The following GABRG3 variants were observed in gnomAD, a reference collection of about 807,000 sequenced individuals.
GABRG3 encodes gamma-aminobutyric acid type A receptor subunit gamma3, also known as gamma-aminobutyric acid receptor subunit gamma-3.
Under a neutral mutation model 48.8 loss-of-function variants are expected in GABRG3, and 25 were observed. That is an observed-to-expected ratio of 0.51 (90% CI 0.37 to 0.72). GABRG3 has a LOEUF of 0.72. Among genes scored for constraint, GABRG3 ranks in the 30% least tolerant of loss-of-function variants. The pLI is 0.00. For synonymous variants in GABRG3, 227 were observed against 217.6 expected (o/e 1.04, Z -0.38); for missense variants, 394 against 577.9 (o/e 0.68, Z 3.26).
Position 27,072,686 on chromosome 15 carries a change from A to G in GABRG3, c.270+45865A>G, listed in dbSNP as rs193264320. 2.6e-5 allele frequency among the ~76,000 whole-genome samples: 4 copies of G among 152,280 alleles called. No homozygotes were observed. In the East Asian group the frequency reaches 5.8e-4, roughly 22 times the overall value. On this transcript the variant is annotated intron_variant, in intron 3 of 9. Transcript: ENST00000615808. ...GGCTGACAAGGACTTTGCCTTCCTC[A>G]GCCCCTGGCTCCCAAGGTGCCCCAG...
intron 5 of GABRG3, among the ~76,000 whole-genome samples, chr15:27,353,675 C>T (rs979690478): frequency 1.8e-4 from 28 of 152,004 alleles, no homozygotes; most frequent in African/African-American, 6.5e-4. Flanking sequence ...AACTCCTGAC[C>T]TTAAGTGATC....
At chr15:27,030,187 T>G (rs1896059016) in intron 3 of GABRG3, among the ~76,000 whole-genome samples, 1 of 152,116 alleles carries the variant, frequency 6.6e-6, no homozygotes, top group Admixed American at 6.6e-5. Flanking sequence ...GTATTGGGGG[T>G]TTGACCGTAA....
intron 3 of GABRG3, among the ~76,000 whole-genome samples, chr15:27,084,557 C>A (rs1362734768): frequency 2.6e-5 from 4 of 152,236 alleles, no homozygotes; most frequent in African/African-American, 9.6e-5. Context: ...CTGGGCACTT[C>A]AGGCTAGCCT....
intron 3 of GABRG3, among the ~76,000 whole-genome samples, chr15:27,247,697 T>G (rs1458960066): frequency 1.3e-5 from 2 of 152,158 alleles, no homozygotes; most frequent in Non-Finnish European, 2.9e-5. Context: ...AATTACGGTC[T>G]CACATGGCTG....
chr15:27,503,510 CT>C (rs1213072640), intron 6 of GABRG3, among the ~76,000 whole-genome samples: 2 of 151,908 alleles, frequency 1.3e-5, no homozygotes, highest in East Asian at 1.9e-4. Flanking sequence ...TTGGATTTGG[CT>C]TTTTTTTCCC....
intron 3 of GABRG3, among the ~76,000 whole-genome samples, chr15:27,044,819 G>A (rs904652363): frequency 1.3e-5 from 2 of 152,222 alleles, no homozygotes; most frequent in Non-Finnish European, 2.9e-5. Context: ...TTAACCAGTT[G>A]GCCGCCTGTG....
At chr15:27,171,427 C>T (rs2140410876) in intron 3 of GABRG3, among the ~76,000 whole-genome samples, 1 of 151,850 alleles carries the variant, frequency 6.6e-6, no homozygotes, top group Admixed American at 6.6e-5. Flanking sequence ...TGAGTCACTA[C>T]ATTGAGTCAC....
At chr15:27,373,363 T>C (rs76096834) in intron 5 of GABRG3, among the ~76,000 whole-genome samples, 1 of 152,194 alleles carries the variant, frequency 6.6e-6, no homozygotes, top group African/African-American at 2.4e-5. Flanking sequence ...TAGGCATTTG[T>C]AGAAAATTGA....
intron 3 of GABRG3, among the ~76,000 whole-genome samples, chr15:27,323,998 C>G (rs1397695603): frequency 2.0e-5 from 3 of 152,188 alleles, no homozygotes; most frequent in Middle Eastern, 3.2e-3. Context: ...AGTGATGTGG[C>G]CACACCCAGC....
At chr15:27,306,565 CATAT>C (rs200762486) in intron 3 of GABRG3, among the ~76,000 whole-genome samples, 4 of 43,698 alleles carry the variant, frequency 9.2e-5, no homozygotes, top group African/African-American at 1.5e-4. Context: ...ATAATATAAA[CATAT>C]ATGTTTATAT....
chr15:26,994,203 C>G (rs889310073), intron 2 of GABRG3, among the ~76,000 whole-genome samples: 21 of 151,874 alleles, frequency 1.4e-4, no homozygotes, highest in Non-Finnish European at 2.9e-4. Flanking sequence ...CATTTACATT[C>G]AATGTGATTA....
intron 6 of GABRG3, among the ~76,000 whole-genome samples, chr15:27,484,028 A>G (rs185589953): frequency 1.4e-4 from 22 of 152,114 alleles, no homozygotes; most frequent in African/African-American, 5.3e-4. Flanking sequence ...TCCACTTCCT[A>G]GGTTCAAGCA....
At chr15:27,244,506 C>T (rs903142593) in intron 3 of GABRG3, among the ~76,000 whole-genome samples, 1 of 152,244 alleles carries the variant, frequency 6.6e-6, no homozygotes, top group Non-Finnish European at 1.5e-5. Flanking sequence ...CTAGATAGGT[C>T]TGTTGCGTTT....
chr15:27,458,305 G>A (rs1016465176), intron 5 of GABRG3, among the ~76,000 whole-genome samples: 6 of 152,162 alleles, frequency 3.9e-5, no homozygotes, highest in African/African-American at 9.7e-5. Context: ...TGGCCTTGAC[G>A]CTGTTTATCT....
chr15:27,483,999 A>T (rs949733924), intron 6 of GABRG3, among the ~76,000 whole-genome samples: 9 of 152,046 alleles, frequency 5.9e-5, no homozygotes, highest in African/African-American at 2.2e-4. Context: ...CAATGGCACG[A>T]TCTCGACTCA....
rs1340839790 is a variant in GABRG3 at position 27,488,079 on chromosome 15, C to A, written c.712+7292C>A. 2.0e-5 allele frequency among the ~76,000 whole-genome samples: 3 copies of A among 152,172 alleles called. No homozygotes were observed. In the South Asian group the frequency reaches 6.2e-4, roughly 31 times the overall value. The stretch of plus-strand genomic sequence containing the variant: ...TGGATAAAAGCCAAACAGCCTTTGA[C>A]GCCTGAGCTGAAGCTCCTGGAGCAC... On this transcript the variant is annotated intron_variant, in intron 6 of 9. Transcript: ENST00000615808.
chr15:27,456,679 G>T (rs998641604), intron 5 of GABRG3, among the ~76,000 whole-genome samples: 3 of 152,162 alleles, frequency 2.0e-5, no homozygotes, highest in Admixed American at 2.0e-4. Context: ...TGGAGTTTGG[G>T]GACTGCAGGG....
chr15:27,255,052 A>G (rs562411489), intron 3 of GABRG3, among the ~76,000 whole-genome samples: 63 of 152,268 alleles, frequency 4.1e-4, no homozygotes, highest in African/African-American at 1.4e-3. Flanking sequence ...CAGTTTGTCC[A>G]GGCCCAGCCC....
rs34130136 is a variant in GABRG3 at position 27,520,009 on chromosome 15, T to C, written c.750T>C (p.Ser250=). 2,549 of 1,578,080 alleles carry C rather than the reference T, an allele frequency of 1.6e-3. 36 individuals carry two copies. The African/African-American group carries it at 0.031, about 19-fold the overall frequency. ...TCATGACTATATATTTTGAATTGAG[T>C]AGAAGAATGGGATACTTCACCATTC... is the stretch of plus-strand genomic sequence containing the variant. ...YVVMTIYFEL[S]RRMGYFTIQT... Residue 250 remains serine, a synonymous_variant, in exon 7 of 10, where the codon AGT becomes AGC. Coordinates refer to ENST00000615808, the MANE Select transcript of GABRG3 (RefSeq NM_033223.5).
Sources: allele counts gnomAD v4.1 joint callset (sites outside exome capture counted in the v4.1 genomes callset), GRCh38; gene constraint gnomAD v4.1.1; transcripts MANE v1.5; gene names NCBI Gene and HGNC (gene_info 2026-07-23, HGNC 2026-07-21).